The following PHLDB2 variants were observed in gnomAD, a reference collection of about 807,000 sequenced individuals.
The protein encoded by PHLDB2 is pleckstrin homology like domain family B member 2.
In PHLDB2, 71 loss-of-function variants were observed where a neutral mutation model predicts 123.6. The observed-to-expected ratio is 0.57, with a 90% confidence interval of 0.47 to 0.70. PHLDB2 has a LOEUF of 0.70. Among genes scored for constraint, PHLDB2 ranks in the 30% least tolerant of loss-of-function variants. PHLDB2 has a pLI of 0.00. For missense variants in PHLDB2, 1,446 were observed against 1,519.5 expected, an observed-to-expected ratio of 0.95 and a Z score of 0.80; for synonymous variants, 547 against 541.6, an observed-to-expected ratio of 1.01 and a Z score of -0.14.
chr3:111,896,125 G>A (rs1006642678), intron 2 of PHLDB2, among the ~76,000 whole-genome samples: 1 of 151,968 alleles, frequency 6.6e-6, no homozygotes, highest in African/African-American at 2.4e-5. Flanking sequence ...ACTAATTTTT[G>A]TATTTTTAGT....
rs762147107 is a variant in PHLDB2, at chr3:111,778,142, T to C, written c.-49+45439T>C. On this transcript the variant is annotated intron_variant, in intron 1 of 17. Coordinates refer to the PHLDB2 transcript ENST00000393923. ...GGTTATGTTTCCCCAAATTCATGTG[T>C]AGAGTCATAACCACCAAGACGTCAG... The C allele has an allele frequency of 5.4e-4, 82 of 152,166 alleles. 1 individual carries two copies. Among genetic ancestry groups the C allele is most frequent in the African/African-American group, 1.8e-3 (75 of 41,542 alleles). The allele number at this position is 152,166 out of a possible 1,614,324, so 9.4% of individuals were successfully genotyped here. A position where few individuals can be genotyped will look rare whatever the true frequency, so the allele number is the denominator to read the frequency against.
intron 1 of PHLDB2, among the ~76,000 whole-genome samples, chr3:111,864,683 T>C (rs1294813776): frequency 6.6e-6 from 1 of 152,200 alleles, no homozygotes; most frequent in Non-Finnish European, 1.5e-5. Flanking sequence ...TAATAAGATA[T>C]AGAGTAACAG....
chr3:111,834,298 T>C (rs1416524748), intron 1 of PHLDB2, among the ~76,000 whole-genome samples: 108 of 137,202 alleles, frequency 7.9e-4, no homozygotes, highest in East Asian at 6.5e-4. Flanking sequence ...ATTATATACA[T>C]AATATATATA....
intron 2 of PHLDB2, among the ~76,000 whole-genome samples, chr3:111,895,873 C>CATCTATCTATCTATCT (rs66478861): frequency 6.2e-4 from 92 of 148,604 alleles, no homozygotes; most frequent in African/African-American, 2.2e-3. Context: ...TCTATCTATC[C>CATCTATCTATCTATCT]ATCTATCTAT....
intron 1 of PHLDB2, among the ~76,000 whole-genome samples, chr3:111,823,313 ATACT>A (rs1470731359): frequency 6.6e-6 from 1 of 152,234 alleles, no homozygotes; most frequent in Admixed American, 6.5e-5. Flanking sequence ...GCCTGAGAAA[ATACT>A]TATTCTGTTA....
intron 3 of PHLDB2, chr3:111,915,321 A>C (rs2068111218): frequency 6.6e-6 from 1 of 152,222 alleles, no homozygotes; most frequent in Non-Finnish European, 1.5e-5. Flanking sequence ...AGACTTTTAC[A>C]CTGAATGTTC....
chr3:111,839,940 C>CTTTG (rs2063601871), intron 1 of PHLDB2, among the ~76,000 whole-genome samples: 1 of 64,940 alleles, frequency 1.5e-5, no homozygotes. Flanking sequence ...CCCACCCCCG[C>CTTTG]TTTTTTTTTT....
At chr3:111,845,672 C>T (rs769900979) in intron 1 of PHLDB2, 4 of 812,394 alleles carry the variant, frequency 4.9e-6, no homozygotes, top group South Asian at 1.9e-5. Context: ...CAGAGTGATC[C>T]AGGACGTCTG....
chr3:111,790,400 A>G (rs1205785541), intron 1 of PHLDB2, among the ~76,000 whole-genome samples: 2 of 152,208 alleles, frequency 1.3e-5, no homozygotes, highest in African/African-American at 4.8e-5. Context: ...ACCAAGCTCC[A>G]AAGATCTTGA....
intron 6 of PHLDB2, among the ~76,000 whole-genome samples, chr3:111,934,325 T>G (rs528338666): frequency 6.6e-6 from 1 of 152,250 alleles, no homozygotes; most frequent in South Asian, 2.1e-4. Context: ...GTCCTAAAGT[T>G]CACTTTAGGA....
chr3:111,870,162 A>C (rs968729889), intron 1 of PHLDB2, among the ~76,000 whole-genome samples: 3 of 152,162 alleles, frequency 2.0e-5, no homozygotes, highest in African/African-American at 7.2e-5. Flanking sequence ...TTCTAAGGAG[A>C]CAGGTATTGA....
At chr3:111,853,744 G>A (rs973186353) in intron 2 of PHLDB2, among the ~76,000 whole-genome samples, 1 of 152,108 alleles carries the variant, frequency 6.6e-6, no homozygotes. Flanking sequence ...GCATGGTGGT[G>A]CATGCCTGTA....
At chr3:111,803,486 A>C (rs1012743614) in intron 1 of PHLDB2, among the ~76,000 whole-genome samples, 3 of 151,644 alleles carry the variant, frequency 2.0e-5, no homozygotes, top group Admixed American at 1.3e-4. Flanking sequence ...CCCCACCACT[A>C]GTCTTCCCAG....
At chr3:111,946,044 T>TA (rs2070287290) in intron 9 of PHLDB2, among the ~76,000 whole-genome samples, 1 of 145,356 alleles carries the variant, frequency 6.9e-6, no homozygotes, top group African/African-American at 2.6e-5. Context: ...TATATATATA[T>TA]TTTTTGAGAC....
chr3:111,859,881 G>C, intron 1 of PHLDB2: 4 of 983,736 alleles, frequency 4.1e-6, no homozygotes, highest in Non-Finnish European at 4.8e-6. Flanking sequence ...ATGAGACGGT[G>C]AGTGGGCTCC....
chr3:111,853,328 T>C (rs1320331833), intron 2 of PHLDB2, among the ~76,000 whole-genome samples: 1 of 152,094 alleles, frequency 6.6e-6, no homozygotes, highest in East Asian at 1.9e-4. Context: ...AATGTGAAAA[T>C]AGATGAAGAT....
intron 1 of PHLDB2, among the ~76,000 whole-genome samples, chr3:111,781,400 G>A (rs1210587039): frequency 3.3e-5 from 5 of 151,812 alleles, no homozygotes; most frequent in Non-Finnish European, 4.4e-5. Flanking sequence ...CCCAAATCCT[G>A]TATTACATTC....
At chr3:111,860,356 C>G (rs1292138455) in intron 1 of PHLDB2, among the ~76,000 whole-genome samples, 3 of 141,924 alleles carry the variant, frequency 2.1e-5, no homozygotes, top group Admixed American at 2.0e-4. Flanking sequence ...TGGCCTTTGA[C>G]CCCCCACTGA....
chr3:111,814,185 T>C (rs563965518), intron 1 of PHLDB2, among the ~76,000 whole-genome samples: 117 of 152,262 alleles, frequency 7.7e-4, no homozygotes, highest in African/African-American at 2.8e-3. Context: ...TGTGAGGGTG[T>C]TGCCAAAAGA....
Sources: gnomAD v4.1 joint callset for allele counts (sites outside exome capture counted in the v4.1 genomes callset) on GRCh38, gnomAD v4.1.1 for gene constraint, MANE v1.5 for transcripts, NCBI Gene and HGNC (gene_info 2026-07-23, HGNC 2026-07-21) for gene names.